GNAI2: variants seen among roughly 807,000 people sequenced by gnomAD.
GNAI2 encodes G protein subunit alpha i2.
In GNAI2, 4 loss-of-function variants were observed where a neutral mutation model predicts 36.8. The ratio of observed to expected loss-of-function variants is 0.11; its 90% confidence interval spans 0.05 to 0.25. The LOEUF (loss-of-function observed/expected upper bound fraction) is 0.25, where lower values mean the gene tolerates loss of function less well. GNAI2 is among the 10% of genes least tolerant of loss of function. The probability of loss-of-function intolerance (pLI) is 1.00; values close to 1 mark genes in which losing one functional copy is unlikely to be tolerated. For synonymous variants in GNAI2, 194 were observed against 194.1 expected (o/e 1.00, Z 0.01); for missense variants, 230 against 481.3 (o/e 0.48, Z 4.89).
At chr3:50,251,479 C>T (rs1488833963) in intron 1 of GNAI2, 7 of 1,083,208 alleles carry the variant, frequency 6.5e-6, no homozygotes, top group African/African-American at 1.7e-5. Flanking sequence ...AGTCAGTACG[C>T]GTGTGTGTTA....
intron 1 of GNAI2, among the ~76,000 whole-genome samples, chr3:50,250,561 G>A (rs1700529366): frequency 6.6e-6 from 1 of 152,204 alleles, no homozygotes; most frequent in Non-Finnish European, 1.5e-5. Context: ...CAGTGATGGA[G>A]CAGGAGCACA....
Position 50,236,213 on chromosome 3 carries a change from G to A in GNAI2, c.-123G>A. ...GGAAGGCGCCTCCCGCAGTCGCTCG[G>A]AACTGCCGACCCGAGTGCTTCCCGC... On this transcript the variant is annotated 5_prime_UTR_variant, in exon 1 of 9. Coordinates refer to ENST00000313601, the MANE Select transcript of GNAI2 (RefSeq NM_002070.4). The surrounding 1 kb of genome is among the most constrained non-coding windows in gnomAD (Gnocchi z 4.0). 1.7e-6 allele frequency: 2 copies of A among 1,185,252 alleles called. No individual in the cohort carries two copies. The highest frequency in any genetic ancestry group is 2.1e-6 in the Non-Finnish European group (2 of 958,856). 73.4% of individuals were successfully genotyped at this position (1,185,252 alleles called of 1,614,324 possible). A position where few individuals can be genotyped will look rare whatever the true frequency, so the allele number is the denominator to read the frequency against.
rs1700306474 is a variant in GNAI2 at position 50,241,842 on chromosome 3, C to T, written c.118+5389C>T. Among the ~76,000 whole-genome samples, 1 of 152,162 alleles carries T rather than the reference C, an allele frequency of 6.6e-6. No homozygotes were observed. Among genetic ancestry groups the T allele is most frequent in the African/African-American group, 2.4e-5 (1 of 41,428 alleles). On this transcript the variant is annotated intron_variant, in intron 1 of 8. Coordinates refer to ENST00000313601, the MANE Select transcript of GNAI2 (RefSeq NM_002070.4). This position sits in a 1 kb window ranked among gnomAD's most constrained non-coding sequence, Gnocchi z 5.0. The stretch of plus-strand genomic sequence containing the variant: ...CCTGGGCAGCTTGTCAGCGGTTGGC[C>T]CTGGGTGGCCTGAGAGGTAGGGTCA...
rs1239048377 is a variant in GNAI2 at position 50,241,517 on chromosome 3, G to C, written c.118+5064G>C. On this transcript the variant is annotated intron_variant, in intron 1 of 8. Coordinates refer to ENST00000313601, the MANE Select transcript of GNAI2 (RefSeq NM_002070.4). This position sits in a 1 kb window ranked among gnomAD's most constrained non-coding sequence, Gnocchi z 5.0. ...AACATGAGGTCATACCTCTAGGGTA[G>C]GAGTGAGACTAGGTCCTTTAAGGGA... Among the ~76,000 whole-genome samples the C allele has an allele frequency of 6.6e-6, 1 of 152,234 alleles. No homozygotes were observed. Among genetic ancestry groups the C allele is most frequent in the Admixed American group, 6.5e-5 (1 of 15,278 alleles).
At chr3:50,237,237 C>A (rs1330015337) in intron 1 of GNAI2, among the ~76,000 whole-genome samples, 1 of 152,240 alleles carries the variant, frequency 6.6e-6, no homozygotes, top group Non-Finnish European at 1.5e-5. Context: ...TTATGCAGAA[C>A]CCCCACGGGG....
Position 50,257,511 on chromosome 3 carries a change from TATG to T in GNAI2, c.894_896del (p.Asp298del), listed in dbSNP as rs1278554371. On this transcript the variant is annotated inframe_deletion, in exon 8 of 9. Coordinates refer to ENST00000313601, the MANE Select transcript of GNAI2 (RefSeq NM_002070.4). ...TTTCTCTCCCCCAGGGGCCAACAAA[TATG>T]ATGAGGCAGCCAGCTACATCCAGAG... 2 of 1,560,866 alleles carry T rather than the reference TATG, an allele frequency of 1.3e-6. No homozygotes were observed. The highest frequency in any genetic ancestry group is 1.7e-6 in the Non-Finnish European group (2 of 1,150,080).
chr3:50,241,476 C>T lies in GNAI2; in HGVS notation c.118+5023C>T, dbSNP rs782653085. 1.3e-5 allele frequency among the ~76,000 whole-genome samples: 2 copies of T among 152,204 alleles called. No homozygotes were observed. The highest frequency in any genetic ancestry group is 2.9e-5 in the Non-Finnish European group (2 of 68,022). ...TAGGCTCAGCCCCTGCCTCTCACGC[C>T]AGTGTCAGTGCAGCCAACATGAGGT... On this transcript the variant is annotated intron_variant, in intron 1 of 8. Transcript: ENST00000313601. This position sits in a 1 kb window ranked among gnomAD's most constrained non-coding sequence, Gnocchi z 5.0.
At chr3:50,248,823 C>T (rs1553702055) in intron 1 of GNAI2, among the ~76,000 whole-genome samples, 1 of 152,082 alleles carries the variant, frequency 6.6e-6, no homozygotes, top group Non-Finnish European at 1.5e-5. Context: ...TTGAAGGGGA[C>T]AGGGAAGTGG....
chr3:50,253,012 C>A lies in GNAI2; in HGVS notation c.304-12C>A. ...TTCCTTCAACTGCCTGACCACCCGC[C>A]ACTGTGCCCAGGACGACGCCAGGCA... is the stretch of plus-strand genomic sequence containing the variant. On this transcript the variant is annotated splice_polypyrimidine_tract_variant and intron_variant, in intron 3 of 8. Transcript: ENST00000313601. This position sits in a 1 kb window ranked among gnomAD's most constrained non-coding sequence, Gnocchi z 4.2. 6.4e-7 allele frequency: 1 copy of A among 1,573,094 alleles called. No individual in the cohort carries two copies. Among genetic ancestry groups the A allele is most frequent in the Non-Finnish European group, 8.7e-7 (1 of 1,150,632 alleles).
At chr3:50,248,169 G>T (rs374467935) in intron 1 of GNAI2, among the ~76,000 whole-genome samples, 2 of 152,308 alleles carry the variant, frequency 1.3e-5, no homozygotes, top group African/African-American at 4.8e-5. Flanking sequence ...GGGAGGCAGA[G>T]GTTGAACCGG....
chr3:50,230,927 G>A, exon 1 of GNAI2: 1 of 985,440 alleles, frequency 1.0e-6, no homozygotes, highest in Non-Finnish European at 1.2e-6. Context: ...TGCCCACGAT[G>A]TACCTCACTG....
chr3:50,252,264 G>A lies in GNAI2; in HGVS notation c.161+122G>A, dbSNP rs1700578074. On this transcript the variant is annotated intron_variant, in intron 2 of 8. Transcript: ENST00000313601. The surrounding 1 kb of genome is among the most constrained non-coding windows in gnomAD (Gnocchi z 4.1). The stretch of plus-strand genomic sequence containing the variant: ...AGCCAGGCCCAGAATCTTCTGAGAA[G>A]CAGAAGGACCCTCAGGTCCCAGTGG... The A allele has an allele frequency of 1.4e-6, 2 of 1,388,978 alleles. No homozygotes were observed. The highest frequency in any genetic ancestry group is 4.6e-5 in the East Asian group (2 of 43,612). The allele number at this position is 1,388,978 out of a possible 1,614,324, so 86.0% of individuals were successfully genotyped here.
chr3:50,256,947 A>C lies in GNAI2; in HGVS notation c.734A>C (p.His245Pro). 6.2e-7 allele frequency: 1 copy of C among 1,614,162 alleles called. No individual in the cohort carries two copies. The highest frequency in any genetic ancestry group is 8.5e-7 in the Non-Finnish European group (1 of 1,180,010). The change falls in exon 7 of 9, where the codon CAT becomes CCT. Residue 245 changes from histidine (H) to proline (P), a missense_variant. Physicochemically the swap from His to Pro is moderately conservative, Grantham distance 77. Around this residue, in one of 4 missense-constraint regions of GNAI2, gnomAD observed 30 missense variants for 128.7 expected, o/e 0.23. Transcript: ENST00000313601. ...LAEDEEMNRM[H>P]ESMKLFDSIC... ...CTATTCTACCCCCAGAACCGCATGC[A>C]TGAGAGCATGAAGCTATTCGATAGC...
chr3:50,227,987 C>T (rs956750036), upstream of GNAI2, among the ~76,000 whole-genome samples: 1 of 152,154 alleles, frequency 6.6e-6, no homozygotes, highest in African/African-American at 2.4e-5. The surrounding 1 kb of genome is among the most constrained non-coding windows in gnomAD (Gnocchi z 5.9). Flanking sequence ...CCCTTTAGAC[C>T]GATCTTTAGG....
upstream of GNAI2, chr3:50,227,364 G>A (rs1241950222): frequency 7.2e-6 from 3 of 414,836 alleles, no homozygotes; most frequent in East Asian, 3.6e-5. The surrounding 1 kb of genome is among the most constrained non-coding windows in gnomAD (Gnocchi z 5.9). Context: ...GGAGGCGGGG[G>A]CCAGGCCCGG....
In GNAI2 at chr3:50,252,628, T is replaced by C. The variant is rs1700588828; in HGVS notation, c.303+90T>C. On this transcript the variant is annotated intron_variant, in intron 3 of 8. Transcript: ENST00000313601. The surrounding 1 kb of genome is among the most constrained non-coding windows in gnomAD (Gnocchi z 4.1). ...GCTCATGCCTATAAATCCCAGCACT[T>C]TGGGACGCCGAGGCGGGTGGATCAC... is the stretch of plus-strand genomic sequence containing the variant. 3.5e-6 allele frequency: 4 copies of C among 1,129,906 alleles called. No homozygotes were observed. In the South Asian group the frequency reaches 5.4e-5, roughly 15 times the overall value. The allele number at this position is 1,129,906 out of a possible 1,614,324, so 70.0% of individuals were successfully genotyped here.
In GNAI2 at chr3:50,256,225, T is replaced by C. The variant is rs782514765; in HGVS notation, c.498T>C (p.Ser166=). 2 of 1,582,054 alleles carry C rather than the reference T, an allele frequency of 1.3e-6. No homozygotes were observed. Among genetic ancestry groups the C allele is most frequent in the South Asian group, 1.1e-5 (1 of 90,438 alleles). ...ACGACCTGGAGCGTATTGCACAGAG[T>C]GACTACATCCCCACACAGCAAGATG... The part of the protein sequence containing the change: ...YLNDLERIAQ[S]DYIPTQQDVL... Residue 166 remains serine, a synonymous_variant, in exon 5 of 9, where the codon AGT becomes AGC. Transcript: ENST00000313601.
chr3:50,228,425 G>A (rs148821980), upstream of GNAI2, among the ~76,000 whole-genome samples: 1,507 of 151,962 alleles, frequency 9.9e-3, 21 homozygotes, highest in African/African-American at 0.035. Flanking sequence ...GTGGGGGCGC[G>A]CCTTGTAATC....
exon 1 of GNAI2, chr3:50,230,923 C>T (rs1198696182): frequency 4.1e-6 from 4 of 985,190 alleles, no homozygotes; most frequent in East Asian, 1.1e-4. Context: ...GAGATGCCCA[C>T]GATGTACCTC....
Sources: gnomAD v4.1 joint callset for allele counts (sites outside exome capture counted in the v4.1 genomes callset) on GRCh38, gnomAD v4.1.1 for gene constraint, gnomAD v4.1.1 regional missense constraint, Gnocchi (gnomAD v3.1) non-coding constraint, MANE v1.5 for transcripts, NCBI Gene and HGNC (gene_info 2026-07-23, HGNC 2026-07-21) for gene names.